FGF14: variants seen among roughly 807,000 people sequenced by gnomAD.
FGF14 encodes fibroblast growth factor homologous factor 4.
Under a neutral mutation model 25.5 loss-of-function variants are expected in FGF14, and 5 were observed. That is an observed-to-expected ratio of 0.20 (90% CI 0.10 to 0.41). The LOEUF (loss-of-function observed/expected upper bound fraction) is 0.41. Ranked by LOEUF, FGF14 falls within the 10% of genes least tolerant of loss-of-function variation. The pLI is 1.00. For missense variants in FGF14, 222 were observed against 320.1 expected, an observed-to-expected ratio of 0.69 and a Z score of 2.34; for synonymous variants, 138 against 118.3, an observed-to-expected ratio of 1.17 and a Z score of -1.08.
chr13:102,021,692 TA>T (rs1353472776), intron 1 of FGF14, among the ~76,000 whole-genome samples: 33 of 152,194 alleles, frequency 2.2e-4, no homozygotes, highest in African/African-American at 7.9e-4. Flanking sequence ...GGTGAGAAAT[TA>T]CTTTGGCTAA....
At chr13:101,946,696 C>CTTAA (rs1444956751) in intron 1 of FGF14, among the ~76,000 whole-genome samples, 63 of 152,294 alleles carry the variant, frequency 4.1e-4, no homozygotes, top group African/African-American at 1.4e-3. Flanking sequence ...GATTGTCTCT[C>CTTAA]ACAGGGACTA....
chr13:101,926,799 A>T (rs2034395282), intron 1 of FGF14, among the ~76,000 whole-genome samples: 1 of 152,142 alleles, frequency 6.6e-6, no homozygotes, highest in Admixed American at 6.5e-5. Context: ...GCTGTAGGGG[A>T]AGTAGATAAT....
chr13:102,299,330 C>T lies in FGF14; in HGVS notation c.208+102141G>A, dbSNP rs2054901736. ...TAAAAATATACTTGAGAAACCAATC[C>T]AGGGGAGTCAAAATGGATGCAACCA... is the stretch of plus-strand genomic sequence containing the variant. On this transcript the variant is annotated intron_variant, in intron 1 of 4. Transcript: ENST00000376131. Among the ~76,000 whole-genome samples, 3 of 151,946 alleles carry T rather than the reference C, an allele frequency of 2.0e-5. No individual in the cohort carries two copies. In the South Asian group the frequency reaches 6.2e-4, roughly 32 times the overall value.
chr13:101,814,453 C>T (rs910270919), intron 3 of FGF14, among the ~76,000 whole-genome samples: 3 of 152,162 alleles, frequency 2.0e-5, no homozygotes, highest in Non-Finnish European at 2.9e-5. Context: ...TAAAATTTAC[C>T]TTTTAAGGGT....
chr13:101,866,115 T>A (rs980011174), intron 3 of FGF14, among the ~76,000 whole-genome samples: 1 of 151,992 alleles, frequency 6.6e-6, no homozygotes, highest in African/African-American at 2.4e-5. Flanking sequence ...AATATCAAAC[T>A]TTTTCTTGAC....
chr13:102,187,278 A>G (rs540170729), intron 1 of FGF14, among the ~76,000 whole-genome samples: 1 of 152,360 alleles, frequency 6.6e-6, no homozygotes, highest in Non-Finnish European at 1.5e-5. Flanking sequence ...TAATCAAAGT[A>G]TAATTACAAA....
chr13:101,834,534 T>C (rs2042827789), intron 3 of FGF14, among the ~76,000 whole-genome samples: 1 of 152,070 alleles, frequency 6.6e-6, no homozygotes, highest in Non-Finnish European at 1.5e-5. Flanking sequence ...GTAGTATGTG[T>C]TATTATTTTC....
intron 3 of FGF14, among the ~76,000 whole-genome samples, chr13:101,822,493 C>CAA (rs2042203140): frequency 1.2e-5 from 1 of 85,176 alleles, no homozygotes. Flanking sequence ...TAAATTTCTA[C>CAA]CAAAAAAAAA....
Position 102,012,089 on chromosome 13 carries a change from C to T in FGF14, c.209-136793G>A, listed in dbSNP as rs1301141188. Among the ~76,000 whole-genome samples the T allele has an allele frequency of 2.0e-5, 3 of 152,050 alleles. No individual in the cohort carries two copies. In the East Asian group the frequency reaches 5.8e-4, roughly 29 times the overall value. ...ATCACTGTCTTTTATCATGCTGCCACTGAGGGAGATGTCACATTCAGTTTT... is the reference window on the plus strand; with the variant it reads ...ATCACTGTCTTTTATCATGCTGCCATTGAGGGAGATGTCACATTCAGTTTT... On this transcript the variant is annotated intron_variant, in intron 1 of 4. Transcript: ENST00000376131.
intron 1 of FGF14, among the ~76,000 whole-genome samples, chr13:102,294,739 T>C: frequency 6.6e-6 from 1 of 152,166 alleles, no homozygotes; most frequent in East Asian, 1.9e-4. Context: ...ATTTTTCTAG[T>C]TTCACTTTTC....
intron 1 of FGF14, among the ~76,000 whole-genome samples, chr13:102,276,921 C>A (rs931066237): frequency 1.4e-4 from 21 of 152,092 alleles, no homozygotes; most frequent in African/African-American, 4.8e-4. Context: ...TGCTGATGGT[C>A]ACCTATCTAA....
chr13:102,324,720 G>C (rs2056366040), intron 1 of FGF14, among the ~76,000 whole-genome samples: 1 of 152,128 alleles, frequency 6.6e-6, no homozygotes, highest in Non-Finnish European at 1.5e-5. Context: ...TTACATATTA[G>C]GAAACTAAGG....
At chr13:102,196,958 T>TTG (rs1262627906) in intron 1 of FGF14, among the ~76,000 whole-genome samples, 3 of 148,116 alleles carry the variant, frequency 2.0e-5, no homozygotes, top group Non-Finnish European at 4.5e-5. Flanking sequence ...GTTTTTTTGG[T>TTG]TTTTTTTTTT....
chr13:102,055,645 T>G (rs1336203490), intron 1 of FGF14, among the ~76,000 whole-genome samples: 1 of 152,184 alleles, frequency 6.6e-6, no homozygotes, highest in Admixed American at 6.5e-5. Context: ...AAAGGAGACA[T>G]GCGTACTTCT....
chr13:101,723,442 TTC>T (rs2035139784), intron 4 of FGF14, among the ~76,000 whole-genome samples: 1 of 152,076 alleles, frequency 6.6e-6, no homozygotes. Flanking sequence ...TTAAATTACT[TTC>T]TTTCATGTGG....
chr13:101,999,646 A>G (rs901164141), intron 1 of FGF14, among the ~76,000 whole-genome samples: 4 of 152,168 alleles, frequency 2.6e-5, no homozygotes, highest in African/African-American at 9.7e-5. Context: ...GCACTTAACT[A>G]TTCTTCATGC....
intron 1 of FGF14, among the ~76,000 whole-genome samples, chr13:102,396,215 T>C (rs1287417655): frequency 6.6e-6 from 1 of 152,158 alleles, no homozygotes; most frequent in South Asian, 2.1e-4. Flanking sequence ...AGGTAAATAG[T>C]ATTACCTCCA....
chr13:101,937,791 G>A (rs887674999), intron 1 of FGF14, among the ~76,000 whole-genome samples: 1 of 152,018 alleles, frequency 6.6e-6, no homozygotes, highest in African/African-American at 2.4e-5. Flanking sequence ...GTAGAGACAG[G>A]GTTTCACCAT....
At chr13:101,918,646 C>T (rs1031339480), upstream of FGF14, among the ~76,000 whole-genome samples, 1 of 152,240 alleles carries the variant, frequency 6.6e-6, no homozygotes, top group Non-Finnish European at 1.5e-5. Context: ...TGGGCACCTT[C>T]TGCTCTAAGC....
Sources: allele counts gnomAD v4.1 joint callset (sites outside exome capture counted in the v4.1 genomes callset), GRCh38; gene constraint gnomAD v4.1.1; transcripts MANE v1.5; gene names NCBI Gene and HGNC (gene_info 2026-07-23, HGNC 2026-07-21).